Variants in CRB1 observed in about 807,000 individuals in gnomAD.
CRB1 encodes protein crumbs homolog 1.
Under a neutral mutation model 120.0 loss-of-function variants are expected in CRB1, and 83 were observed. That is an observed-to-expected ratio of 0.69 (90% CI 0.58 to 0.83). The LOEUF (loss-of-function observed/expected upper bound fraction) is 0.83. Among genes scored for constraint, CRB1 ranks in the 40% least tolerant of loss-of-function variants. The pLI is 0.00. For missense variants in CRB1, 1,699 were observed against 1,687.6 expected, an observed-to-expected ratio of 1.01 and a Z score of -0.12; for synonymous variants, 625 against 612.5, an observed-to-expected ratio of 1.02 and a Z score of -0.30.
intron 5 of CRB1, among the ~76,000 whole-genome samples, chr1:197,384,172 TC>T (rs1422828517): frequency 6.6e-6 from 1 of 152,154 alleles, no homozygotes; most frequent in African/African-American, 2.4e-5. Flanking sequence ...TTCTAAAAAA[TC>T]CTCTAAGGTA....
At chr1:197,218,502 G>C in the CRB1 span, among the ~76,000 whole-genome samples, 1 of 152,144 alleles carries the variant, frequency 6.6e-6, no homozygotes, top group South Asian at 2.1e-4. Flanking sequence ...AAGATTTTTA[G>C]CCTCATTTTG....
chr1:197,409,615 T>C (rs1307164393), intron 5 of CRB1, among the ~76,000 whole-genome samples: 1 of 152,174 alleles, frequency 6.6e-6, no homozygotes, highest in Non-Finnish European at 1.5e-5. Flanking sequence ...AAATGACTTA[T>C]CTCAGGAGTC....
the CRB1 span, among the ~76,000 whole-genome samples, chr1:197,226,921 G>A: frequency 6.6e-6 from 1 of 152,106 alleles, no homozygotes; most frequent in Non-Finnish European, 1.5e-5. Context: ...ATCTTGTGAG[G>A]CTTGTTCACT....
chr1:197,469,996 C>T (rs1200753998), intron 11 of CRB1, among the ~76,000 whole-genome samples: 1 of 152,190 alleles, frequency 6.6e-6, no homozygotes, highest in South Asian at 2.1e-4. Context: ...TGGCACCTCC[C>T]CTTGCTGCTT....
intron 1 of CRB1, among the ~76,000 whole-genome samples, chr1:197,307,990 T>C (rs1204890260): frequency 6.6e-6 from 1 of 152,182 alleles, no homozygotes; most frequent in Non-Finnish European, 1.5e-5. Context: ...CATGCACTTG[T>C]ATGTTCATTG....
At position 197,432,443 on chromosome 1, in the gene CRB1, A is replaced by G. The variant is rs1571550945; in HGVS notation, c.2843-2263A>G. On this transcript the variant is annotated intron_variant, in intron 8 of 11. Coordinates refer to ENST00000367400, the MANE Select transcript of CRB1 (RefSeq NM_201253.3). ...TAAGATCAAAGGAATTGATTTATTTAATTAAGTCAAATAATACACTTGAAT... is the reference window on the plus strand; with the variant it reads ...TAAGATCAAAGGAATTGATTTATTTGATTAAGTCAAATAATACACTTGAAT... Among the ~76,000 whole-genome samples, 6 of 151,778 alleles carry G rather than the reference A, an allele frequency of 4.0e-5. No individual in the cohort carries two copies. The South Asian group carries it at 1.2e-3, about 32-fold the overall frequency.
chr1:197,434,585 A>G (rs1174755375), intron 8 of CRB1, 121 bp from the exon 9 acceptor site: 6 of 881,998 alleles, frequency 6.8e-6, no homozygotes, highest in Non-Finnish European at 1.1e-5. Context: ...ACAGTATGTA[A>G]CATGTATCAA....
chr1:197,371,920 G>T (rs1055481010), intron 5 of CRB1, among the ~76,000 whole-genome samples: 4 of 152,188 alleles, frequency 2.6e-5, no homozygotes, highest in Middle Eastern at 6.8e-3. Context: ...TCAGGGCCTT[G>T]CATTCTTAGG....
chr1:197,419,277 G>A (rs547457209), intron 5 of CRB1, among the ~76,000 whole-genome samples: 1 of 151,058 alleles, frequency 6.6e-6, no homozygotes, highest in African/African-American at 2.4e-5. Context: ...GAGTTAAATG[G>A]AAAAATAAGA....
At chr1:197,358,486 G>A (rs1660602106) in intron 5 of CRB1, among the ~76,000 whole-genome samples, 1 of 152,180 alleles carries the variant, frequency 6.6e-6, no homozygotes, top group African/African-American at 2.4e-5. Flanking sequence ...CTTGATTTCT[G>A]AAGAGCTGCC....
At chr1:197,318,613 T>C (rs1657991759) in intron 1 of CRB1, among the ~76,000 whole-genome samples, 1 of 152,202 alleles carries the variant, frequency 6.6e-6, no homozygotes, top group South Asian at 2.1e-4. Context: ...TGCTCATCAA[T>C]TTTTAAATGG....
At chr1:197,346,630 ATTTTT>A (rs1295196721) in intron 3 of CRB1, among the ~76,000 whole-genome samples, 2 of 152,172 alleles carry the variant, frequency 1.3e-5, no homozygotes, top group Non-Finnish European at 1.5e-5. Flanking sequence ...GTGCAGGTAC[ATTTTT>A]TACAATACTA....
chr1:197,209,960 T>A, the CRB1 span, among the ~76,000 whole-genome samples: 1 of 152,234 alleles, frequency 6.6e-6, no homozygotes, highest in African/African-American at 2.4e-5. Context: ...TATCTGCTTC[T>A]TTCAAAGGGT....
intron 5 of CRB1, among the ~76,000 whole-genome samples, chr1:197,373,656 A>G (rs1661493902): frequency 6.6e-6 from 1 of 152,214 alleles, no homozygotes; most frequent in Non-Finnish European, 1.5e-5. Flanking sequence ...TGGGCCAGAA[A>G]GAGGCAAAGA....
intron 11 of CRB1, among the ~76,000 whole-genome samples, chr1:197,471,792 C>T (rs1055865931): frequency 2.6e-5 from 4 of 152,126 alleles, no homozygotes; most frequent in Admixed American, 1.3e-4. Context: ...ACTATGGAAA[C>T]GGCCGCTTCT....
At position 197,438,633 on chromosome 1, in the gene CRB1, C is replaced by G; in HGVS notation, c.3836C>G (p.Thr1279Ser). The change falls in exon 10 of 12, where the codon ACT becomes AGT. Residue 1279 changes from threonine to serine, a missense_variant. Coordinates refer to ENST00000367400, the MANE Select transcript of CRB1 (RefSeq NM_201253.3). ...YNGGNCTEFQ[T>S]ELKCMCRPGF... The stretch of plus-strand genomic sequence containing the variant: ...GGAGGCAACTGCACAGAGTTCCAGA[C>G]TGAATTAAAATGTATGTGCCGGCCA... 1 of 1,612,840 alleles carries G rather than the reference C, an allele frequency of 6.2e-7. No individual in the cohort carries two copies.
the CRB1 span, chr1:197,222,489 AT>A: frequency 1.3e-6 from 1 of 768,824 alleles, no homozygotes; most frequent in African/African-American, 1.7e-5. Context: ...AGGCAGTGTC[AT>A]TTCATACCCT....
intron 1 of CRB1, among the ~76,000 whole-genome samples, chr1:197,289,836 C>G (rs1040043524): frequency 6.6e-6 from 1 of 151,140 alleles, no homozygotes; most frequent in Non-Finnish European, 1.5e-5. Context: ...ATATAATGTG[C>G]TTTATTTTTC....
intron 11 of CRB1, among the ~76,000 whole-genome samples, chr1:197,454,529 C>T (rs4428919): frequency 0.92 from 140,462 of 152,114 alleles, 65,914 homozygotes; most frequent in Non-Finnish European, 1. Flanking sequence ...ATAGGTTTTT[C>T]CCGTCAGAAC....
Sources: allele counts gnomAD v4.1 joint callset (sites outside exome capture counted in the v4.1 genomes callset), GRCh38; gene constraint gnomAD v4.1.1; transcripts MANE v1.5; gene names NCBI Gene and HGNC (gene_info 2026-07-23, HGNC 2026-07-21).